Variants in COL14A1 observed in about 807,000 individuals in gnomAD.
COL14A1 encodes the protein collagen alpha-1(XIV) chain.
A neutral mutation model predicts 230.3 loss-of-function variants in COL14A1; 136 were observed. The ratio of observed to expected loss-of-function variants is 0.59; its 90% CI spans 0.51 to 0.68. The LOEUF is 0.68. Among genes scored for constraint, COL14A1 ranks in the 30% least tolerant of loss-of-function variants. The probability of loss-of-function intolerance (pLI) is 0.00; values close to 1 mark genes in which losing one functional copy is unlikely to be tolerated. For synonymous variants in COL14A1, 792 were observed against 784.1 expected (o/e 1.01, Z -0.17); for missense variants, 1,976 against 2,215.8 (o/e 0.89, Z 2.17).
In COL14A1 at chr8:120,231,549, C is replaced by T. The variant is rs377766304; in HGVS notation, c.2280C>T (p.Ser760=). 6.8e-6 allele frequency: 11 copies of T among 1,613,952 alleles called. No individual in the cohort carries two copies. The highest frequency in any genetic ancestry group is 1.7e-5 in the Admixed American group (1 of 59,982). ...GGGTAAAATGGGACATTTCTGACAG[C>T]GATGTGCAGCAGTTTAGGGTGACCT... ...SLRVKWDISD[S]DVQQFRVTYM... The change falls in exon 19 of 48, where the codon AGC becomes AGT. Residue 760 remains serine, a synonymous_variant. Coordinates refer to ENST00000297848, the MANE Select transcript of COL14A1 (RefSeq NM_021110.4).
chr8:120,298,280 T>C (rs925219152), intron 35 of COL14A1, among the ~76,000 whole-genome samples: 1 of 151,908 alleles, frequency 6.6e-6, no homozygotes, highest in African/African-American at 2.4e-5. Flanking sequence ...CAGTGGGTGC[T>C]GAATATTGCT....
intron 7 of COL14A1, among the ~76,000 whole-genome samples, chr8:120,198,943 C>T (rs1421845181): frequency 3.3e-5 from 5 of 152,144 alleles, no homozygotes; most frequent in South Asian, 2.1e-4. Flanking sequence ...GTGTCATGCT[C>T]AAAAGGCAGG....
Position 120,203,792 on chromosome 8 carries a change from G to T in COL14A1, c.961G>T (p.Asp321Tyr), listed in dbSNP as rs367633536. 6 of 1,613,910 alleles carry T rather than the reference G, an allele frequency of 3.7e-6. No individual in the cohort carries two copies. The highest frequency in any genetic ancestry group is 1.6e-4 in the Middle Eastern group (1 of 6,062). Residue 321 changes from aspartate (D) to tyrosine (Y), a missense_variant, in exon 9 of 48, where the codon GAT becomes TAT. Asp to Tyr is a radical substitution (Grantham distance 160). Coordinates refer to ENST00000297848, the MANE Select transcript of COL14A1 (RefSeq NM_021110.4). Reference protein sequence around the residue: ...STHVYNVAEFDLMHTVVESLT... With the variant: ...STHVYNVAEFYLMHTVVESLT... The stretch of plus-strand genomic sequence containing the variant: ...TCATGTGTACAATGTTGCCGAATTC[G>T]ATCTGATGCACACAGTTGTGGAGAG...
chr8:120,284,307 T>G (rs1226610656), intron 32 of COL14A1, among the ~76,000 whole-genome samples: 4 of 152,070 alleles, frequency 2.6e-5, no homozygotes. Flanking sequence ...AGAGAATAAG[T>G]CTGGAGGCTG....
At chr8:120,214,318 C>G (rs1817689506) in intron 13 of COL14A1, among the ~76,000 whole-genome samples, 1 of 152,144 alleles carries the variant, frequency 6.6e-6, no homozygotes, top group Non-Finnish European at 1.5e-5. Flanking sequence ...AATTGCAACT[C>G]TATCCTTGCA....
At position 120,225,077 on chromosome 8, in the gene COL14A1, T is replaced by A; in HGVS notation, c.1738-11T>A. 4 of 1,607,262 alleles carry A rather than the reference T, an allele frequency of 2.5e-6. No individual in the cohort carries two copies. Among genetic ancestry groups the A allele is most frequent in the Non-Finnish European group, 3.4e-6 (4 of 1,178,154 alleles). On this transcript the variant is annotated splice_polypyrimidine_tract_variant and intron_variant, in intron 14 of 47. Coordinates refer to ENST00000297848, the MANE Select transcript of COL14A1 (RefSeq NM_021110.4). ...AGATAGAGCTGTTATTATGACTTATTTCTTTGACAGGTTGAAGTCGATCCT... is the reference window on the plus strand; with the variant it reads ...AGATAGAGCTGTTATTATGACTTATATCTTTGACAGGTTGAAGTCGATCCT...
chr8:120,371,688 A>C lies in COL14A1; in HGVS notation c.*457A>C. 1 of 398,518 alleles carries C rather than the reference A, an allele frequency of 2.5e-6. No homozygotes were observed. The highest frequency in any genetic ancestry group is 4.4e-6 in the Non-Finnish European group (1 of 225,790). The allele number at this position is 398,518 out of a possible 1,614,324, so 24.7% of individuals were successfully genotyped here. On this transcript the variant is annotated 3_prime_UTR_variant, in exon 48 of 48. Transcript: ENST00000297848. ...AGGAATAACCTTGCTGATAAGAAAA[A>C]AAGGGACAATATTGGAGAAACTACC...
intron 34 of COL14A1, among the ~76,000 whole-genome samples, chr8:120,296,431 A>C (rs1479790228): frequency 6.6e-6 from 1 of 151,946 alleles, no homozygotes; most frequent in Non-Finnish European, 1.5e-5. Context: ...AACATGTTTC[A>C]ATAGTACTAT....
At chr8:120,213,317 T>C (rs1232144907) in intron 13 of COL14A1, among the ~76,000 whole-genome samples, 2 of 152,192 alleles carry the variant, frequency 1.3e-5, no homozygotes, top group East Asian at 3.8e-4. Flanking sequence ...TCGTGATCTT[T>C]TGAAACATAA....
intron 42 of COL14A1, among the ~76,000 whole-genome samples, chr8:120,334,004 A>T (rs374184296): frequency 8.5e-5 from 13 of 152,322 alleles, no homozygotes; most frequent in African/African-American, 3.1e-4. Context: ...GCCTTTTGCC[A>T]CATAAGGTAA....
intron 2 of COL14A1, among the ~76,000 whole-genome samples, chr8:120,153,175 A>G (rs1167552598): frequency 1.3e-5 from 2 of 152,188 alleles, no homozygotes; most frequent in Admixed American, 6.5e-5. Flanking sequence ...TGACTAACAT[A>G]AAAAGCTAAA....
chr8:120,301,802 C>T (rs943570468), intron 36 of COL14A1, among the ~76,000 whole-genome samples: 39 of 152,294 alleles, frequency 2.6e-4, no homozygotes, highest in African/African-American at 9.4e-4. Flanking sequence ...AATGGTTGAA[C>T]TAATTTACAC....
chr8:120,183,500 T>G (rs891029059), intron 5 of COL14A1, among the ~76,000 whole-genome samples: 1 of 152,168 alleles, frequency 6.6e-6, no homozygotes, highest in African/African-American at 2.4e-5. Context: ...TCTGTCACTT[T>G]ACACACTCCT....
intron 36 of COL14A1, among the ~76,000 whole-genome samples, chr8:120,305,467 A>G (rs1412326564): frequency 6.6e-6 from 1 of 152,138 alleles, no homozygotes; most frequent in Non-Finnish European, 1.5e-5. Flanking sequence ...ATCTTAACAA[A>G]TATTAATTTG....
intron 5 of COL14A1, among the ~76,000 whole-genome samples, chr8:120,183,784 G>A (rs564464040): frequency 5.3e-5 from 8 of 152,298 alleles, no homozygotes; most frequent in South Asian, 2.1e-4. Context: ...GGACAAATGC[G>A]TACGGCTTTG....
chr8:120,289,885 T>A, intron 34 of COL14A1, 119 bp downstream of exon 34: 1 of 1,012,078 alleles, frequency 9.9e-7, no homozygotes, highest in East Asian at 2.6e-5. Context: ...AATGGATGGA[T>A]GAATGAATGG....
chr8:120,175,610 G>A (rs1816256149), intron 5 of COL14A1, among the ~76,000 whole-genome samples: 1 of 152,092 alleles, frequency 6.6e-6, no homozygotes. Context: ...TTTAAAATAA[G>A]GTTTTATTGG....
rs886357489 is a variant in COL14A1 at position 120,198,481 on chromosome 8, G to T, written c.712+551G>T. On this transcript the variant is annotated intron_variant, in intron 7 of 47. Transcript: ENST00000297848. ...AATCATCCATGGCACAATCACAAGG[G>T]GTTTGTAAAAATTTTCACCTTGAGA... Among the ~76,000 whole-genome samples the T allele has an allele frequency of 1.2e-4, 18 of 152,014 alleles. 2 individuals carry two copies. The South Asian group carries it at 3.5e-3, about 30-fold the overall frequency.
chr8:120,177,517 C>T (rs145082984), intron 5 of COL14A1, among the ~76,000 whole-genome samples: 24 of 151,608 alleles, frequency 1.6e-4, no homozygotes, highest in Admixed American at 7.2e-4. Context: ...GGAGTGGTGG[C>T]GCACATCAGT....
Sources: allele counts gnomAD v4.1 joint callset (sites outside exome capture counted in the v4.1 genomes callset), GRCh38; gene constraint gnomAD v4.1.1; transcripts MANE v1.5; gene names NCBI Gene and HGNC (gene_info 2026-07-23, HGNC 2026-07-21).